Variants in PARD3B observed in about 807,000 individuals in gnomAD.
PARD3B encodes the protein partitioning defective 3 homolog B.
A neutral mutation model predicts 130.2 loss-of-function variants in PARD3B; 103 were observed. The ratio of observed to expected loss-of-function variants is 0.79; its 90% CI spans 0.67 to 0.93. PARD3B has a LOEUF of 0.93. Among genes scored for constraint, PARD3B ranks in the 40% least tolerant of loss-of-function variants. The probability of loss-of-function intolerance (pLI) is 0.00; values close to 1 mark genes in which losing one functional copy is unlikely to be tolerated. For synonymous variants in PARD3B, 583 were observed against 553.2 expected, an observed-to-expected ratio of 1.05 and a Z score of -0.76; for missense variants, 1,609 against 1,499.2, an observed-to-expected ratio of 1.07 and a Z score of -1.21.
intron 1 of PARD3B, among the ~76,000 whole-genome samples, chr2:204,617,112 C>G (rs111343966): frequency 2.8e-4 from 43 of 152,206 alleles, no homozygotes; most frequent in Non-Finnish European, 5.4e-4. Flanking sequence ...CCCAGGGTTC[C>G]TCTTTTGGAA....
At chr2:205,326,207 G>A (rs566076354) in intron 18 of PARD3B, among the ~76,000 whole-genome samples, 13 of 152,238 alleles carry the variant, frequency 8.5e-5, no homozygotes, top group Non-Finnish European at 1.8e-4. Context: ...GAAAATGTGA[G>A]AGCGCTTTGT....
At chr2:205,220,749 A>G (rs6750663) in intron 15 of PARD3B, among the ~76,000 whole-genome samples, 122,589 of 152,142 alleles carry the variant, frequency 0.81, 49,698 homozygotes, top group East Asian at 0.98. Flanking sequence ...ATAAGATGAC[A>G]TTTTTGGAGA....
At chr2:205,501,797 A>G (rs2050167784) in intron 21 of PARD3B, among the ~76,000 whole-genome samples, 1 of 152,172 alleles carries the variant, frequency 6.6e-6, no homozygotes, top group South Asian at 2.1e-4. Flanking sequence ...TCTGACCCTC[A>G]CCAAACCTGA....
Position 205,568,964 on chromosome 2 carries a change from T to C in PARD3B, c.3260+15561T>C, listed in dbSNP as rs2053463403. 6.6e-6 allele frequency among the ~76,000 whole-genome samples: 1 copy of C among 152,210 alleles called. No individual in the cohort carries two copies. The highest frequency in any genetic ancestry group is 2.1e-4 in the South Asian group (1 of 4,826). On this transcript the variant is annotated intron_variant, in intron 22 of 22. Coordinates refer to ENST00000406610, the MANE Select transcript of PARD3B (RefSeq NM_001302769.2). The surrounding 1 kb of genome is among the most constrained non-coding windows in gnomAD (Gnocchi z 5.3). Reference sequence around the variant, plus strand: ...TAATTACCAGGTCAAAGAATGTGAATATTTTTAAAGTTTCTGATGTATATT... The same window carrying C: ...TAATTACCAGGTCAAAGAATGTGAACATTTTTAAAGTTTCTGATGTATATT...
At chr2:204,918,037 A>AT (rs1467690497) in intron 2 of PARD3B, among the ~76,000 whole-genome samples, 4 of 152,222 alleles carry the variant, frequency 2.6e-5, no homozygotes, top group Non-Finnish European at 5.9e-5. Flanking sequence ...GCTTTAGAGT[A>AT]CTTTGTAGCC....
chr2:205,480,005 C>T (rs560043947), intron 20 of PARD3B, among the ~76,000 whole-genome samples: 6 of 150,338 alleles, frequency 4.0e-5, no homozygotes, highest in East Asian at 2.0e-4. Context: ...CAGGTTCAAG[C>T]GATTCTCCTG....
chr2:205,561,166 C>G (rs1207468382), intron 22 of PARD3B, among the ~76,000 whole-genome samples: 2 of 152,166 alleles, frequency 1.3e-5, no homozygotes, highest in African/African-American at 4.8e-5. Flanking sequence ...CTTAAAGATG[C>G]TCTCCCTCTC....
At chr2:205,027,225 G>A (rs1457100206) in intron 3 of PARD3B, among the ~76,000 whole-genome samples, 2 of 152,012 alleles carry the variant, frequency 1.3e-5, no homozygotes, top group Non-Finnish European at 2.9e-5. Flanking sequence ...ATAGCCAGCT[G>A]CTATCTCATC....
At chr2:204,858,970 G>C (rs6713878) in intron 2 of PARD3B, among the ~76,000 whole-genome samples, 1,789 of 151,328 alleles carry the variant, frequency 0.012, 41 homozygotes, top group African/African-American at 0.042. Flanking sequence ...TATTCACCTG[G>C]GTTTGTCTAA....
In PARD3B at chr2:204,673,019, A is replaced by G. The variant is rs991269143; in HGVS notation, c.121-13162A>G. Among the ~76,000 whole-genome samples the G allele has an allele frequency of 6.6e-6, 1 of 152,252 alleles. No individual in the cohort carries two copies. The highest frequency in any genetic ancestry group is 1.5e-5 in the Non-Finnish European group (1 of 68,046). On this transcript the variant is annotated intron_variant, in intron 1 of 22. Coordinates refer to ENST00000406610, the MANE Select transcript of PARD3B (RefSeq NM_001302769.2). This position sits in a 1 kb window ranked among gnomAD's most constrained non-coding sequence, Gnocchi z 4.7. ...CCCGTGTATGTGAATGTATGTGAAT[A>G]TGTAATGAATTTCTCACAATCCAGT...
intron 2 of PARD3B, among the ~76,000 whole-genome samples, chr2:204,742,267 C>G (rs963386978): frequency 1.3e-5 from 2 of 152,106 alleles, no homozygotes; most frequent in African/African-American, 4.8e-5. Context: ...TACATAGTCA[C>G]ATATATTTTT....
At chr2:205,144,790 A>C (rs4675500) in intron 10 of PARD3B, among the ~76,000 whole-genome samples, 1 of 151,988 alleles carries the variant, frequency 6.6e-6, no homozygotes, top group Non-Finnish European at 1.5e-5. Flanking sequence ...TTAACAGCAT[A>C]CTAAAGGGGA....
At chr2:204,823,797 A>T (rs539738740) in intron 2 of PARD3B, among the ~76,000 whole-genome samples, 1 of 152,154 alleles carries the variant, frequency 6.6e-6, no homozygotes, top group South Asian at 2.1e-4. Context: ...AAAATTATTC[A>T]GGCATGGTGG....
At position 205,121,481 on chromosome 2, in the gene PARD3B, C is replaced by G; in HGVS notation, c.807-110C>G. On this transcript the variant is annotated intron_variant, in intron 7 of 22. Transcript: ENST00000406610. This position sits in a 1 kb window ranked among gnomAD's most constrained non-coding sequence, Gnocchi z 5.0. ...ATTCTGATAGGAATATTGATCGTGTCTCCTATGATTAGCCACTGTGCTGCT... is the reference window on the plus strand; with the variant it reads ...ATTCTGATAGGAATATTGATCGTGTGTCCTATGATTAGCCACTGTGCTGCT... The G allele has an allele frequency of 1.1e-6, 1 of 894,824 alleles. No homozygotes were observed. Among genetic ancestry groups the G allele is most frequent in the Non-Finnish European group, 1.7e-6 (1 of 571,544 alleles). The allele number at this position is 894,824 out of a possible 1,614,324, so 55.4% of individuals were successfully genotyped here.
intron 3 of PARD3B, among the ~76,000 whole-genome samples, chr2:204,985,475 C>A (rs1693049967): frequency 6.6e-6 from 1 of 152,140 alleles, no homozygotes; most frequent in South Asian, 2.1e-4. Context: ...ACATACAGTT[C>A]TAACACTTTT....
At chr2:204,809,540 C>G (rs1483961434) in intron 2 of PARD3B, among the ~76,000 whole-genome samples, 1 of 151,660 alleles carries the variant, frequency 6.6e-6, no homozygotes, top group Non-Finnish European at 1.5e-5. Flanking sequence ...TGTCAAAGAA[C>G]AGGTGGTCAT....
At chr2:204,807,413 A>G (rs1178864357) in intron 2 of PARD3B, among the ~76,000 whole-genome samples, 3 of 152,178 alleles carry the variant, frequency 2.0e-5, no homozygotes, top group African/African-American at 7.2e-5. Context: ...AATTAGTACA[A>G]CCACTACGGA....
rs1396780855 is a variant in PARD3B, at chr2:204,663,253, G to A, written c.121-22928G>A. ...TGCCCACCCTGCCATTCTCATGTGA[G>A]CTAGCCTCGGCTTCCTGAGGTTCCC... On this transcript the variant is annotated intron_variant, in intron 1 of 22. Transcript: ENST00000406610. Among the ~76,000 whole-genome samples, 3 of 152,160 alleles carry A rather than the reference G, an allele frequency of 2.0e-5. No individual in the cohort carries two copies. The East Asian group carries it at 5.8e-4, about 29-fold the overall frequency.
At chr2:205,156,783 T>A (rs2034198927) in intron 10 of PARD3B, among the ~76,000 whole-genome samples, 1 of 152,204 alleles carries the variant, frequency 6.6e-6, no homozygotes, top group Admixed American at 6.5e-5. Flanking sequence ...TAGTATATTG[T>A]TTCTGTTGTA....
Sources: gnomAD v4.1 joint callset for allele counts (sites outside exome capture counted in the v4.1 genomes callset) on GRCh38, gnomAD v4.1.1 for gene constraint, Gnocchi (gnomAD v3.1) non-coding constraint, MANE v1.5 for transcripts, NCBI Gene and HGNC (gene_info 2026-07-23, HGNC 2026-07-21) for gene names.